DNAH14: variants seen among roughly 807,000 people sequenced by gnomAD.
DNAH14 encodes dynein axonemal heavy chain 14.
A neutral mutation model predicts 520.9 loss-of-function variants in DNAH14; 478 were observed. The ratio of observed to expected loss-of-function variants is 0.92; its 90% CI spans 0.85 to 0.99. The LOEUF (loss-of-function observed/expected upper bound fraction) is 0.99, where lower values mean the gene tolerates loss of function less well. Among genes scored for constraint, DNAH14 ranks in the 50% least tolerant of loss-of-function variants. The pLI is 0.00. For missense variants in DNAH14, 4,831 were observed against 5,234.5 expected (o/e 0.92, Z 2.38); for synonymous variants, 1,581 against 1,757.2 (o/e 0.90, Z 2.51).
chr1:225,011,509 T>C (rs893669838), intron 10 of DNAH14, among the ~76,000 whole-genome samples: 3 of 151,996 alleles, frequency 2.0e-5, no homozygotes, highest in Non-Finnish European at 4.4e-5. Context: ...TTCTGTCTCA[T>C]TGATCTGTTG....
intron 17 of DNAH14, among the ~76,000 whole-genome samples, chr1:225,078,652 G>C (rs1219027875): frequency 6.6e-6 from 1 of 152,108 alleles, no homozygotes; most frequent in Non-Finnish European, 1.5e-5. Flanking sequence ...ATGTTAAGGG[G>C]GGTCACTGGT....
chr1:225,034,553 G>T (rs944124314), intron 11 of DNAH14, among the ~76,000 whole-genome samples: 8 of 149,696 alleles, frequency 5.3e-5, no homozygotes, highest in African/African-American at 2.0e-4. Flanking sequence ...GTGTGTGTCT[G>T]CCAGGTTTTG....
chr1:225,062,153 TAGTC>T (rs1238440207), intron 17 of DNAH14, among the ~76,000 whole-genome samples: 2 of 151,844 alleles, frequency 1.3e-5, no homozygotes, highest in African/African-American at 2.4e-5. Context: ...GCAAAAAAAT[TAGTC>T]AGGCATGGTG....
chr1:224,994,308 A>C (rs549024945), intron 8 of DNAH14, among the ~76,000 whole-genome samples: 1 of 152,128 alleles, frequency 6.6e-6, no homozygotes, highest in South Asian at 2.1e-4. Context: ...ATTGTAACCT[A>C]TCTCTCCCTT....
intron 55 of DNAH14, among the ~76,000 whole-genome samples, chr1:225,295,261 G>C (rs571197885): frequency 6.6e-6 from 1 of 151,878 alleles, no homozygotes; most frequent in African/African-American, 2.4e-5. Flanking sequence ...TTATTTTGCT[G>C]TGATTTTTAT....
At chr1:225,238,918 A>C (rs889123863) in intron 42 of DNAH14, among the ~76,000 whole-genome samples, 3 of 151,772 alleles carry the variant, frequency 2.0e-5, no homozygotes, top group African/African-American at 7.3e-5. Context: ...AAGCAGCTGT[A>C]CTGTGTTGTG....
Position 225,273,259 on chromosome 1 carries a change from G to A in DNAH14, c.8010+134G>A, listed in dbSNP as rs571625938. 2,568 of 979,344 alleles carry A rather than the reference G, an allele frequency of 2.6e-3. 3 individuals are homozygous for A. The highest frequency in any genetic ancestry group is 3.3e-3 in the Non-Finnish European group (2,334 of 710,504). 60.7% of individuals were successfully genotyped at this position (979,344 alleles called of 1,614,324 possible). ...CATCCTGGCTAACACGTGAAACCCC[G>A]TGTCTACTAAAAATACAAAAAAATT... On this transcript the variant is annotated intron_variant, in intron 52 of 85. Coordinates refer to ENST00000682510, the MANE Select transcript of DNAH14 (RefSeq NM_001367479.1).
chr1:224,993,695 G>C (rs778661904), intron 8 of DNAH14, among the ~76,000 whole-genome samples: 6 of 151,280 alleles, frequency 4.0e-5, no homozygotes, highest in Non-Finnish European at 8.9e-5. Context: ...TTGCTGCTCT[G>C]GTCTTTATTA....
intron 27 of DNAH14, among the ~76,000 whole-genome samples, chr1:225,137,442 A>G (rs570664587): frequency 6.6e-6 from 1 of 152,194 alleles, no homozygotes; most frequent in South Asian, 2.1e-4. Flanking sequence ...TGCAAACTCC[A>G]TCTCCCAGGT....
At chr1:224,943,928 T>G (rs1157450823) in intron 1 of DNAH14, among the ~76,000 whole-genome samples, 2 of 152,170 alleles carry the variant, frequency 1.3e-5, no homozygotes, top group Non-Finnish European at 2.9e-5. Flanking sequence ...TGTGGTCAAT[T>G]TTTGAATAAG....
At chr1:224,977,376 T>C (rs1329507310) in intron 8 of DNAH14, among the ~76,000 whole-genome samples, 3 of 151,194 alleles carry the variant, frequency 2.0e-5, no homozygotes, top group African/African-American at 4.8e-5. Flanking sequence ...TTAGGAGATA[T>C]ACCTAATGCT....
chr1:225,275,966 T>C lies in DNAH14; in HGVS notation c.8063T>C (p.Phe2688Ser). Residue 2688 changes from phenylalanine (F) to serine (S), a missense_variant, in exon 53 of 86, where the codon TTC (phenylalanine) becomes TCC (serine). Phe to Ser is a radical substitution (Grantham distance 155, BLOSUM62 -2). Coordinates refer to ENST00000682510, the MANE Select transcript of DNAH14 (RefSeq NM_001367479.1). ...LMNHSTVFLD[F>S]LDINKTHRKK... ...AATCACTCAACTGTATTTTTGGACT[T>C]CTTGGATATAAACAAGACTCATAGA... is the stretch of plus-strand genomic sequence containing the variant. The C allele has an allele frequency of 2.5e-6, 1 of 402,658 alleles. No homozygotes were observed. Among genetic ancestry groups the C allele is most frequent in the Admixed American group, 3.6e-5 (1 of 28,050 alleles). 24.9% of individuals were successfully genotyped at this position (402,658 alleles called of 1,614,324 possible). A position where few individuals can be genotyped will look rare whatever the true frequency, so the allele number is the denominator to read the frequency against.
At position 225,113,668 on chromosome 1, in the gene DNAH14, C is replaced by T. The variant is rs549924433; in HGVS notation, c.3868-4016C>T. On this transcript the variant is annotated intron_variant, in intron 23 of 85. Coordinates refer to ENST00000682510, the MANE Select transcript of DNAH14 (RefSeq NM_001367479.1). Reference sequence around the variant, plus strand: ...AGAAATATACTTCTTTATTCTACTACACCTGAGCTGGCACTCAAACCACAA... The same window carrying T: ...AGAAATATACTTCTTTATTCTACTATACCTGAGCTGGCACTCAAACCACAA... 3.3e-5 allele frequency among the ~76,000 whole-genome samples: 5 copies of T among 152,334 alleles called. No homozygotes were observed. The East Asian group carries it at 9.7e-4, about 29-fold the overall frequency.
chr1:224,933,931 G>A (rs886760579), intron 1 of DNAH14, among the ~76,000 whole-genome samples: 12 of 151,572 alleles, frequency 7.9e-5, no homozygotes, highest in Non-Finnish European at 1.3e-4. Flanking sequence ...TATCACTAAC[G>A]TTGTTTACAG....
At chr1:225,037,994 CTG>C (rs1366496669) in intron 11 of DNAH14, among the ~76,000 whole-genome samples, 1 of 152,116 alleles carries the variant, frequency 6.6e-6, no homozygotes, top group African/African-American at 2.4e-5. Context: ...GGCCAATATT[CTG>C]TGTTTTTATG....
Position 225,051,735 on chromosome 1 carries a change from A to G in DNAH14, c.2364A>G (p.Ile788Met), listed in dbSNP as rs2068553101. ...GCTTACTGTATATTGACAACGTCAT[A>G]CATATGAGCCACACCCTCATACAAT... The part of the protein sequence containing the change: ...SECLLYIDNV[I>M]HMSHTLIQSV... The change falls in exon 17 of 86, where the codon ATA becomes ATG. Residue 788 changes from isoleucine to methionine, a missense_variant. Ile to Met is a conservative substitution (Grantham distance 10, BLOSUM62 1). Transcript: ENST00000682510. The G allele has an allele frequency of 6.5e-7, 1 of 1,550,016 alleles. No individual in the cohort carries two copies. Among genetic ancestry groups the G allele is most frequent in the South Asian group, 1.2e-5 (1 of 83,666 alleles).
chr1:225,156,709 C>CTTTTTTTTTTTTTTTTTT (rs71170061), intron 34 of DNAH14, among the ~76,000 whole-genome samples: 1 of 68,166 alleles, frequency 1.5e-5, no homozygotes. Context: ...TCTTAAAATT[C>CTTTTTTTTTTTTTTTTTT]TTTTTTTTTT....
chr1:225,310,457 T>A (rs1018082409), intron 60 of DNAH14, among the ~76,000 whole-genome samples: 2 of 152,198 alleles, frequency 1.3e-5, no homozygotes, highest in Non-Finnish European at 2.9e-5. Context: ...TTTTAAATAT[T>A]TTTTATTTTA....
chr1:225,362,161 CTG>C (rs914232111), intron 75 of DNAH14, among the ~76,000 whole-genome samples: 1 of 152,158 alleles, frequency 6.6e-6, no homozygotes, highest in Non-Finnish European at 1.5e-5. Context: ...CAGGTTAACA[CTG>C]TGCTAATAAA....
Sources: gnomAD v4.1 joint callset for allele counts (sites outside exome capture counted in the v4.1 genomes callset) on GRCh38, gnomAD v4.1.1 for gene constraint, MANE v1.5 for transcripts, NCBI Gene and HGNC (gene_info 2026-07-23, HGNC 2026-07-21) for gene names.